The following ZNF804B variants were observed in gnomAD, a reference collection of about 807,000 sequenced individuals.
ZNF804B encodes the protein zinc finger protein 804B.
ZNF804B carries 80 observed loss-of-function variants against 101.4 expected under a neutral mutation model. The ratio of observed to expected loss-of-function variants is 0.79; its 90% CI spans 0.66 to 0.95. ZNF804B has a LOEUF of 0.95. ZNF804B is among the 40% of genes least tolerant of loss of function. The probability of loss-of-function intolerance (pLI) is 0.00; values close to 1 mark genes in which losing one functional copy is unlikely to be tolerated. For missense variants in ZNF804B, 1,673 were observed against 1,561.9 expected (o/e 1.07, Z -1.20); for synonymous variants, 622 against 558.8 (o/e 1.11, Z -1.59).
chr7:89,334,155 G>T lies in ZNF804B; in HGVS notation c.1173G>T (p.Glu391Asp). 3.1e-6 allele frequency: 5 copies of T among 1,613,532 alleles called. No homozygotes were observed. Among genetic ancestry groups the T allele is most frequent in the Non-Finnish European group, 4.2e-6 (5 of 1,179,806 alleles). The change falls in exon 4 of 4, where the codon GAG becomes GAT. Residue 391 changes from glutamate (E) to aspartate (D), a missense_variant. Physicochemically the swap from Glu to Asp is conservative, Grantham distance 45. Transcript: ENST00000333190. ...SECLDEFSSL[E>D]PSEQKSTVHL... ...GCCTGGATGAGTTTTCATCACTGGA[G>T]CCAAGTGAACAAAAGAGTACAGTGC...
At chr7:88,875,686 A>G (rs1249208859) in intron 1 of ZNF804B, among the ~76,000 whole-genome samples, 1 of 152,062 alleles carries the variant, frequency 6.6e-6, no homozygotes, top group East Asian at 1.9e-4. Flanking sequence ...CCAACCAAAA[A>G]GAGTCCAGGA....
intron 1 of ZNF804B, among the ~76,000 whole-genome samples, chr7:88,793,900 T>G (rs1790425517): frequency 6.6e-6 from 1 of 152,130 alleles, no homozygotes; most frequent in Non-Finnish European, 1.5e-5. Context: ...TACTTTTTTT[T>G]GAAAAGTGTC....
chr7:88,811,904 A>G (rs1282370727), intron 1 of ZNF804B, among the ~76,000 whole-genome samples: 1 of 152,130 alleles, frequency 6.6e-6, no homozygotes, highest in Non-Finnish European at 1.5e-5. Context: ...AGGTGCAGCA[A>G]ACCACCATGG....
chr7:89,085,277 A>G (rs1255932048), intron 1 of ZNF804B, among the ~76,000 whole-genome samples: 1 of 151,982 alleles, frequency 6.6e-6, no homozygotes, highest in Non-Finnish European at 1.5e-5. Flanking sequence ...ACAGATTGTC[A>G]GAAGAAATGA....
intron 1 of ZNF804B, among the ~76,000 whole-genome samples, chr7:88,954,555 G>C (rs1793273835): frequency 6.7e-6 from 1 of 148,580 alleles, no homozygotes; most frequent in Non-Finnish European, 1.5e-5. Context: ...TCTAAAACAT[G>C]CCCCCCCCCC....
Position 89,289,321 on chromosome 7 carries a change from A to G in ZNF804B, c.250-38023A>G, listed in dbSNP as rs375514231. Reference sequence around the variant, plus strand: ...CGTTGATCGTCTGCCCCATAGGAACACCAAATTCAACAACTGTCTACGCAA... The same window carrying G: ...CGTTGATCGTCTGCCCCATAGGAACGCCAAATTCAACAACTGTCTACGCAA... On this transcript the variant is annotated intron_variant, in intron 2 of 3. Transcript: ENST00000333190. 1.3e-3 allele frequency among the ~76,000 whole-genome samples: 204 copies of G among 152,176 alleles called. 1 individual carries two copies. Among genetic ancestry groups the G allele is most frequent in the African/African-American group, 4.6e-3 (189 of 41,520 alleles).
At chr7:89,200,408 T>A (rs1279291404) in intron 1 of ZNF804B, among the ~76,000 whole-genome samples, 2 of 151,924 alleles carry the variant, frequency 1.3e-5, no homozygotes, top group African/African-American at 4.8e-5. Context: ...GTTTGTAGAA[T>A]CTCCAGCTGA....
chr7:88,921,463 A>G (rs911531886), intron 1 of ZNF804B, among the ~76,000 whole-genome samples: 9 of 152,152 alleles, frequency 5.9e-5, no homozygotes, highest in African/African-American at 2.2e-4. Context: ...ATTTTAAATT[A>G]TAAAACATTT....
chr7:89,330,217 G>A (rs1189566667), intron 3 of ZNF804B, among the ~76,000 whole-genome samples: 1 of 151,644 alleles, frequency 6.6e-6, no homozygotes, highest in African/African-American at 2.4e-5. Context: ...GGTTTCAAGG[G>A]GCGGGCTGGT....
At chr7:89,189,412 A>G (rs1009380263) in intron 1 of ZNF804B, among the ~76,000 whole-genome samples, 2 of 152,180 alleles carry the variant, frequency 1.3e-5, no homozygotes, top group Non-Finnish European at 2.9e-5. Context: ...TACTTGAACC[A>G]AGATGAGGCA....
At chr7:89,305,954 T>C (rs1790556285) in intron 2 of ZNF804B, among the ~76,000 whole-genome samples, 1 of 152,030 alleles carries the variant, frequency 6.6e-6, no homozygotes, top group Admixed American at 6.6e-5. Context: ...TTAAAATGTA[T>C]GGCTTTCTGA....
chr7:88,898,069 C>G (rs1298856875), intron 1 of ZNF804B, among the ~76,000 whole-genome samples: 12 of 137,188 alleles, frequency 8.7e-5, no homozygotes, highest in Non-Finnish European at 1.1e-4. Context: ...TATTACTTCT[C>G]CATCTTTTTT....
At chr7:88,867,785 A>G (rs1791754053) in intron 1 of ZNF804B, among the ~76,000 whole-genome samples, 1 of 152,184 alleles carries the variant, frequency 6.6e-6, no homozygotes, top group Non-Finnish European at 1.5e-5. Flanking sequence ...TATCTCATTT[A>G]ATACTCAGAA....
rs537828371 is a variant in ZNF804B, at chr7:89,234,144, T to C, written c.249+15849T>C. ...TTTGACTTATAATCCAAGATAAGCC[T>C]AGCTAATATAATGAGCTTGTTTTTA... On this transcript the variant is annotated intron_variant, in intron 2 of 3. Transcript: ENST00000333190. 2.0e-5 allele frequency among the ~76,000 whole-genome samples: 3 copies of C among 152,366 alleles called. No individual in the cohort carries two copies. In the East Asian group the frequency reaches 5.8e-4, roughly 29 times the overall value.
At chr7:89,113,923 A>AT (rs1256795495) in intron 1 of ZNF804B, among the ~76,000 whole-genome samples, 2 of 151,284 alleles carry the variant, frequency 1.3e-5, no homozygotes, top group African/African-American at 4.9e-5. Flanking sequence ...CACTCCAGCC[A>AT]TAAAAAAAAA....
At chr7:89,181,504 C>T (rs1231539008) in intron 1 of ZNF804B, among the ~76,000 whole-genome samples, 1 of 152,122 alleles carries the variant, frequency 6.6e-6, no homozygotes, top group Non-Finnish European at 1.5e-5. Flanking sequence ...GTCCCACGGT[C>T]CCTGCAGTCT....
rs529444462 is a variant in ZNF804B, at chr7:89,046,720, C to T, written c.109-171435C>T. Among the ~76,000 whole-genome samples, 18 of 152,024 alleles carry T rather than the reference C, an allele frequency of 1.2e-4. 1 individual carries two copies. In the East Asian group the frequency reaches 1.4e-3, roughly 11 times the overall value. ...TTTTTTCCAATTCAAAAAAAGGAAG[C>T]GGAAAGTTTGAGATAGTTACTCATA... On this transcript the variant is annotated intron_variant, in intron 1 of 3. Coordinates refer to ENST00000333190, the MANE Select transcript of ZNF804B (RefSeq NM_181646.5).
intron 2 of ZNF804B, among the ~76,000 whole-genome samples, chr7:89,231,941 C>G (rs892635904): frequency 6.6e-6 from 1 of 152,024 alleles, no homozygotes; most frequent in Non-Finnish European, 1.5e-5. Flanking sequence ...CTTTCTTGCA[C>G]AGAATTCCAA....
chr7:89,103,298 T>A (rs1441443631), intron 1 of ZNF804B, among the ~76,000 whole-genome samples: 1 of 151,464 alleles, frequency 6.6e-6, no homozygotes, highest in Non-Finnish European at 1.5e-5. Flanking sequence ...TTATATTGAA[T>A]CTAGAGGTTG....
Sources: gnomAD v4.1 joint callset for allele counts (sites outside exome capture counted in the v4.1 genomes callset) on GRCh38, gnomAD v4.1.1 for gene constraint, MANE v1.5 for transcripts, NCBI Gene and HGNC (gene_info 2026-07-23, HGNC 2026-07-21) for gene names.